SLFN12L: variants seen among roughly 807,000 people sequenced by gnomAD.
The protein encoded by SLFN12L is schlafen family member 12-like.
SLFN12L carries 34 observed loss-of-function variants against 34.8 expected under a neutral mutation model. That is an observed-to-expected ratio of 0.98 (90% confidence interval 0.74 to 1.30). The LOEUF is 1.30. Among genes scored for constraint, SLFN12L ranks in the 50% most tolerant of loss-of-function variants. SLFN12L has a pLI of 0.00. For synonymous variants in SLFN12L, 259 were observed against 247.5 expected (o/e 1.05, Z -0.44); for missense variants, 703 against 696.2 (o/e 1.01, Z -0.11).
At chr17:35,503,348 T>G (rs1256958073) in intron 2 of SLFN12L, among the ~76,000 whole-genome samples, 3 of 152,224 alleles carry the variant, frequency 2.0e-5, no homozygotes, top group African/African-American at 7.2e-5. Flanking sequence ...AGCACTAACC[T>G]GCTCTTTAAC....
chr17:35,515,808 T>C (rs1297651212), intron 2 of SLFN12L, among the ~76,000 whole-genome samples: 2 of 151,836 alleles, frequency 1.3e-5, no homozygotes, highest in African/African-American at 4.8e-5. Flanking sequence ...CACACCCGGC[T>C]AATTTTTGTA....
chr17:35,490,666 G>A, intron 2 of SLFN12L: 1 of 1,002,460 alleles, frequency 1.0e-6, no homozygotes, highest in Non-Finnish European at 1.6e-6. Flanking sequence ...CTGCACGCTG[G>A]ACCTCAAACT....
At chr17:35,516,256 A>C (rs1915826262) in intron 2 of SLFN12L, among the ~76,000 whole-genome samples, 1 of 152,212 alleles carries the variant, frequency 6.6e-6, no homozygotes, top group Non-Finnish European at 1.5e-5. Context: ...TGGGGTCCCT[A>C]CTAGGGGCAT....
chr17:35,492,525 GA>G (rs1567662037), intron 2 of SLFN12L, among the ~76,000 whole-genome samples: 2 of 152,202 alleles, frequency 1.3e-5, no homozygotes, highest in Non-Finnish European at 2.9e-5. Context: ...CAGGAACGGG[GA>G]GCTCCCACTG....
At chr17:35,519,865 C>A (rs774961133) in intron 2 of SLFN12L, among the ~76,000 whole-genome samples, 3 of 152,092 alleles carry the variant, frequency 2.0e-5, no homozygotes, top group Non-Finnish European at 2.9e-5. Context: ...GCCAAGGGGA[C>A]CCCAGAAAAA....
chr17:35,497,364 C>A (rs1399506773), intron 2 of SLFN12L, among the ~76,000 whole-genome samples: 1 of 151,970 alleles, frequency 6.6e-6, no homozygotes, highest in African/African-American at 2.4e-5. Flanking sequence ...GCACTCCAGC[C>A]TGGGCGACAA....
intron 1 of SLFN12L, among the ~76,000 whole-genome samples, chr17:35,524,217 T>A (rs1263541066): frequency 6.6e-6 from 1 of 152,132 alleles, no homozygotes; most frequent in Non-Finnish European, 1.5e-5. Context: ...TTTAGAGATG[T>A]TAAGAAGTTG....
intron 1 of SLFN12L, among the ~76,000 whole-genome samples, chr17:35,530,434 G>GGAAGGAA (rs1555545936): frequency 8.6e-5 from 1 of 11,642 alleles, no homozygotes; most frequent in African/African-American, 1.8e-4. Flanking sequence ...AGGAAGGGAA[G>GGAAGGAA]GGAAGGGAAG....
Position 35,522,592 on chromosome 17 carries a change from G to A in SLFN12L, c.-228C>T, listed in dbSNP as rs1200999787. 25 of 1,609,308 alleles carry A rather than the reference G, an allele frequency of 1.6e-5. No individual in the cohort carries two copies. The South Asian group carries it at 2.0e-4, about 13-fold the overall frequency. ...CTGGGTGCCTGCAAAACTATAGGAC[G>A]CAGGGTAATCCATCGGAGACACTGC... On this transcript the variant is annotated 5_prime_UTR_variant, in exon 2 of 5. Transcript: ENST00000628453.
chr17:35,490,709 C>T, intron 2 of SLFN12L: 1 of 1,324,320 alleles, frequency 7.6e-7, no homozygotes, highest in South Asian at 1.2e-5. Flanking sequence ...CAAAGGTTAG[C>T]TTACGTTACA....
At chr17:35,479,086 G>C (rs772221461) in intron 3 of SLFN12L, 31 bp downstream of exon 3, 25 of 1,487,266 alleles carry the variant, frequency 1.7e-5, no homozygotes, top group Non-Finnish European at 2.3e-5. Context: ...CAAGCCAAAG[G>C]TATCCTTATT....
At chr17:35,510,043 T>C (rs1283341157) in intron 2 of SLFN12L, 1 of 152,138 alleles carries the variant, frequency 6.6e-6, no homozygotes, top group Non-Finnish European at 1.5e-5. Context: ...CACATACCTA[T>C]AGAAGCCAAA....
At chr17:35,493,944 G>C (rs940393944) in intron 2 of SLFN12L, among the ~76,000 whole-genome samples, 1 of 121,592 alleles carries the variant, frequency 8.2e-6, no homozygotes, top group Non-Finnish European at 1.8e-5. Context: ...GTGTAGATCT[G>C]TAAATAAAAT....
chr17:35,527,727 C>A (rs1018089293), intron 1 of SLFN12L, among the ~76,000 whole-genome samples: 1 of 152,160 alleles, frequency 6.6e-6, no homozygotes, highest in Non-Finnish European at 1.5e-5. Flanking sequence ...CTATTTATCA[C>A]AAACCCACAG....
At chr17:35,497,632 T>C (rs927182182) in intron 2 of SLFN12L, among the ~76,000 whole-genome samples, 1 of 152,148 alleles carries the variant, frequency 6.6e-6, no homozygotes, top group Non-Finnish European at 1.5e-5. Context: ...TCTGACTTGG[T>C]AATAAAATGT....
chr17:35,513,163 T>C (rs60849950), intron 2 of SLFN12L, among the ~76,000 whole-genome samples: 1,913 of 152,264 alleles, frequency 0.013, 44 homozygotes, highest in African/African-American at 0.044. Flanking sequence ...AATGATATTG[T>C]GCCTCATCAT....
chr17:35,509,703 CTT>C (rs538671249), intron 2 of SLFN12L, among the ~76,000 whole-genome samples: 4 of 145,750 alleles, frequency 2.7e-5, no homozygotes, highest in African/African-American at 7.5e-5. Context: ...AAAAGAGACT[CTT>C]TTTTTTTTTT....
chr17:35,515,445 T>C (rs1915786429), intron 2 of SLFN12L, among the ~76,000 whole-genome samples: 1 of 152,058 alleles, frequency 6.6e-6, no homozygotes, highest in Admixed American at 6.6e-5. Context: ...TCTTTTGTTT[T>C]AGTTTATTTG....
At chr17:35,515,208 T>C (rs1915774572) in intron 2 of SLFN12L, 3 of 582,616 alleles carry the variant, frequency 5.1e-6, no homozygotes, top group Middle Eastern at 5.4e-4. Flanking sequence ...GAACGCTGAG[T>C]GTGGACTGCG....
Sources: allele counts gnomAD v4.1 joint callset (sites outside exome capture counted in the v4.1 genomes callset), GRCh38; gene constraint gnomAD v4.1.1; transcripts MANE v1.5; gene names NCBI Gene and HGNC (gene_info 2026-07-23, HGNC 2026-07-21).